TTN: variants seen among roughly 807,000 people sequenced by gnomAD.
TTN encodes the protein connectin.
TTN carries 1,525 observed loss-of-function variants against 3,223.0 expected under a neutral mutation model. The ratio of observed to expected loss-of-function variants is 0.47; its 90% CI spans 0.45 to 0.49. The LOEUF (loss-of-function observed/expected upper bound fraction) is 0.49, where lower values mean the gene tolerates loss of function less well. Among genes scored for constraint, TTN ranks in the 20% least tolerant of loss-of-function variants. TTN has a pLI of 0.00. For missense variants in TTN, 40,786 were observed against 43,424.0 expected (o/e 0.94, Z 5.40); for synonymous variants, 14,094 against 15,161.0 (o/e 0.93, Z 5.17).
In TTN at chr2:178,607,556, CCTT is replaced by C; in HGVS notation, c.53129_53131del (p.Glu17710del). On this transcript the variant is annotated inframe_deletion, in exon 277 of 363. Transcript: ENST00000589042. ...TACAACACGGTCTTTATCCAGCTCC[CCTT>C]CTTCTTTGGTCCATACTTTTGTAGG... is the stretch of plus-strand genomic sequence containing the variant. 1 of 1,613,182 alleles carries C rather than the reference CCTT, an allele frequency of 6.2e-7. No individual in the cohort carries two copies. The highest frequency in any genetic ancestry group is 8.5e-7 in the Non-Finnish European group (1 of 1,179,378).
In TTN at chr2:178,621,874, C is replaced by G; in HGVS notation, c.45048G>C (p.Arg15016Ser). Reference protein sequence around the residue: ...DDEAEYSCEVRTARTSGMLTV... With the variant: ...DDEAEYSCEVSTARTSGMLTV... Reference sequence around the variant, plus strand: ...TCAGCATGCCAGAAGTTCTCGCTGTCCTTACTTCACAGGAATATTCAGCTT... The same window carrying G: ...TCAGCATGCCAGAAGTTCTCGCTGTGCTTACTTCACAGGAATATTCAGCTT... The change falls in exon 244 of 363, where the codon AGG (arginine) becomes AGC (serine). Residue 15016 changes from arginine to serine, a missense_variant. Arg to Ser is a moderately radical substitution (Grantham distance 110). Transcript: ENST00000589042. 1 of 1,612,176 alleles carries G rather than the reference C, an allele frequency of 6.2e-7. No individual in the cohort carries two copies. The highest frequency in any genetic ancestry group is 1.1e-5 in the South Asian group (1 of 91,010).
At chr2:178,689,395 T>A (rs2071747842) in intron 123 of TTN, 22 bp from the exon 124 acceptor site, 9 of 1,612,728 alleles carry the variant, frequency 5.6e-6, no homozygotes, top group Non-Finnish European at 7.6e-6. Context: ...GTATTGAATT[T>A]TAAAATTTGT....
Position 178,710,836 on chromosome 2 carries a change from T to A in TTN, c.28261A>T (p.Thr9421Ser). The A allele has an allele frequency of 6.2e-7, 1 of 1,613,904 alleles. No homozygotes were observed. The change falls in exon 98 of 363, where the codon ACG becomes TCG. Residue 9421 changes from threonine (T) to serine (S), a missense_variant. Physicochemically the swap from Thr to Ser is moderately conservative, Grantham distance 58. Transcript: ENST00000589042. Reference protein sequence around the residue: ...GESADFECHVTGTQPIKVSWA... With the variant: ...GESADFECHVSGTQPIKVSWA... ...CTGACCTTTATCGGTTGTGTGCCCG[T>A]GACGTGGCACTCAAAGTCAGCACTT...
chr2:178,652,680 TAGG>T lies in TTN; in HGVS notation c.39013_39015del (p.Pro13005del). The T allele has an allele frequency of 6.2e-7, 1 of 1,613,444 alleles. No individual in the cohort carries two copies. Among genetic ancestry groups the T allele is most frequent in the Non-Finnish European group, 8.5e-7 (1 of 1,179,546 alleles). On this transcript the variant is annotated inframe_deletion, in exon 201 of 363. Coordinates refer to ENST00000589042, the MANE Select transcript of TTN (RefSeq NM_001267550.2). ...TTAACAGGTGGGACTTCAGGCTTTT[TAGG>T]AGGAGCCGAGGGCACTTTCTTTTCA...
In TTN at chr2:178,589,912, T is replaced by C. The variant is rs759096564; in HGVS notation, c.61813A>G (p.Ile20605Val). 7.4e-6 allele frequency: 12 copies of C among 1,613,358 alleles called. No homozygotes were observed. Among genetic ancestry groups the C allele is most frequent in the South Asian group, 4.4e-5 (4 of 91,068 alleles). ...DNGGSEITNFIVEYRKPNQKG... is the reference protein window; with the variant it reads ...DNGGSEITNFVVEYRKPNQKG... The stretch of plus-strand genomic sequence containing the variant: ...TGGTTTGGTTTGCGATATTCTACTA[T>C]GAAGTTTGTTATTTCTGAGCCACCA... The change falls in exon 304 of 363, where the codon ATA becomes GTA. Residue 20605 changes from isoleucine to valine, a missense_variant. Transcript: ENST00000589042.
Position 178,548,979 on chromosome 2 carries a change from CTG to C in TTN, c.92645_92646del (p.Thr30882SerfsTer3). ...NAEACVKTRYTVTDLQAGEEY... is the reference protein window; with the variant it reads ...NAEACVKTRYXVTDLQAGEEY... ...TCTTCACCTGCTTGTAGATCAGTGACTGTATATCTTGTTTTCACACATGCCTC... is the reference window on the plus strand; with the variant it reads ...TCTTCACCTGCTTGTAGATCAGTGACTATATCTTGTTTTCACACATGCCTC... On this transcript the variant is annotated frameshift_variant, in exon 339 of 363. Transcript: ENST00000589042. LOFTEE classifies it high-confidence loss of function. This position sits in a 1 kb window ranked among gnomAD's most constrained non-coding sequence, Gnocchi z 4.3. 6.2e-7 allele frequency: 1 copy of C among 1,613,912 alleles called. No homozygotes were observed. Among genetic ancestry groups the C allele is most frequent in the Non-Finnish European group, 8.5e-7 (1 of 1,179,834 alleles).
rs1006380204 is a variant in TTN, at chr2:178,670,229, G to A, written c.35375C>T (p.Pro11792Leu). 3 of 1,473,710 alleles carry A rather than the reference G, an allele frequency of 2.0e-6. No homozygotes were observed. Among genetic ancestry groups the A allele is most frequent in the East Asian group, 5.1e-5 (2 of 39,116 alleles). The allele number at this position is 1,473,710 out of a possible 1,614,324, so 91.3% of individuals were successfully genotyped here. Residue 11792 changes from proline (P) to leucine (L), a missense_variant, in exon 157 of 363, where the codon CCA becomes CTA. Transcript: ENST00000589042. Reference protein sequence around the residue: ...KVRVPEEPRVPPTKAPEVPKK... With the variant: ...KVRVPEEPRVLPTKAPEVPKK... ...GAAAAGCCAGTTACCTTTAGTTGGT[G>A]GAACTCTGGGCTCTTCAGGAACACG...
rs1405906564 is a variant in TTN at position 178,713,957 on chromosome 2, T to C, written c.26701A>G (p.Ser8901Gly). The C allele has an allele frequency of 1.9e-6, 3 of 1,613,596 alleles. No individual in the cohort carries two copies. Among genetic ancestry groups the C allele is most frequent in the South Asian group, 1.1e-5 (1 of 91,064 alleles). The change falls in exon 92 of 363, where the codon AGT becomes GGT. Residue 8901 changes from serine to glycine, a missense_variant. By Grantham distance (56) the Ser-to-Gly change is moderately conservative. Transcript: ENST00000589042. ...CCAACAGGGTTCTGCACCTCAAAACTGTATACCCCACTGTCACTCGGTGCT... is the reference window on the plus strand; with the variant it reads ...CCAACAGGGTTCTGCACCTCAAAACCGTATACCCCACTGTCACTCGGTGCT... ...NVAPSDSGVY[S>G]FEVQNPVGKD...
At position 178,553,495 on chromosome 2, in the gene TTN, T is replaced by A. The variant is rs746577107; in HGVS notation, c.89503+7A>T. The A allele has an allele frequency of 4.4e-6, 7 of 1,604,460 alleles. No individual in the cohort carries two copies. The Admixed American group carries it at 1.2e-4, about 27-fold the overall frequency. ...TAAAAAACATAATCAAACCAGTAGG[T>A]ACATACCAAGTATATCTTTAGCTTG... On this transcript the variant is annotated splice_region_variant and intron_variant, in intron 334 of 362. Coordinates refer to ENST00000589042, the MANE Select transcript of TTN (RefSeq NM_001267550.2).
At position 178,583,626 on chromosome 2, in the gene TTN, C is replaced by T. The variant is rs748126217; in HGVS notation, c.65556G>A (p.Val21852=). The T allele has an allele frequency of 6.2e-7, 1 of 1,604,348 alleles. No individual in the cohort carries two copies. The highest frequency in any genetic ancestry group is 1.1e-5 in the South Asian group (1 of 90,004). ...TCTTACCATTTTCTGCGAGGATAGT[C>T]ACTGGATCAGAAGGTTCAGAAGGTG... is the stretch of plus-strand genomic sequence containing the variant. The part of the protein sequence containing the change: ...ISPPSEPSDP[V]TILAENVPPR... The change falls in exon 312 of 363, where the codon GTG becomes GTA. Residue 21852 remains valine, a synonymous_variant. Coordinates refer to ENST00000589042, the MANE Select transcript of TTN (RefSeq NM_001267550.2).
In TTN at chr2:178,679,889, T is replaced by C. The variant is rs770773897; in HGVS notation, c.33580+5A>G. 1 of 1,612,698 alleles carries C rather than the reference T, an allele frequency of 6.2e-7. No homozygotes were observed. On this transcript the variant is annotated splice_donor_5th_base_variant and intron_variant, in intron 140 of 362. Coordinates refer to ENST00000589042, the MANE Select transcript of TTN (RefSeq NM_001267550.2). Reference sequence around the variant, plus strand: ...GCACAGCCCTTTGCAGGAGGCATCATCTACCTTTGACTGGTATCACTGGCA... The same window carrying C: ...GCACAGCCCTTTGCAGGAGGCATCACCTACCTTTGACTGGTATCACTGGCA...
rs377226540 is a variant in TTN, at chr2:178,570,450, G to A, written c.75682C>T (p.Pro25228Ser). 80 of 1,613,220 alleles carry A rather than the reference G, an allele frequency of 5.0e-5. No individual in the cohort carries two copies. In the African/African-American group the frequency reaches 1.0e-3, roughly 21 times the overall value. Residue 25228 changes from proline (P) to serine (S), a missense_variant, in exon 326 of 363, where the codon CCC becomes TCC. Transcript: ENST00000589042. The stretch of plus-strand genomic sequence containing the variant: ...TCACTCCCACCATCCTGAAGTGGGG[G>A]TTTCCAAGCTAGTGTGCATTTTTCT... ...TAEKCTLAWK[P>S]PLQDGGSDII... is the part of the protein sequence containing the mutation.
At position 178,593,656 on chromosome 2, in the gene TTN, T is replaced by C; in HGVS notation, c.58644A>G (p.Lys19548=). Residue 19548 remains lysine, a synonymous_variant, in exon 298 of 363, where the codon AAA becomes AAG. Transcript: ENST00000589042. ...TCKVSKLLEG[K]DYIFRIHAEN... is the part of the protein sequence containing the mutation. ...CAGCATGTATCCGGAAAATATAATC[T>C]TTTCCTTCAAGTAGTTTAGAAACTT... The C allele has an allele frequency of 4.3e-6, 7 of 1,613,156 alleles. No individual in the cohort carries two copies. The highest frequency in any genetic ancestry group is 5.9e-6 in the Non-Finnish European group (7 of 1,179,564).
In TTN at chr2:178,554,896, T is replaced by C. The variant is rs368216168; in HGVS notation, c.88563A>G (p.Ser29521=). Residue 29521 remains serine, a synonymous_variant, in exon 331 of 363, where the codon TCA becomes TCG. Coordinates refer to ENST00000589042, the MANE Select transcript of TTN (RefSeq NM_001267550.2). The part of the protein sequence containing the change: ...YELKLRNAMG[S]ASATIRVQIL... ...TCTGTACTCTGATGGTGGCTGAGGCTGAGCCCATGGCATTCCTTAGTTTTA... is the reference window on the plus strand; with the variant it reads ...TCTGTACTCTGATGGTGGCTGAGGCCGAGCCCATGGCATTCCTTAGTTTTA... 6 of 1,613,814 alleles carry C rather than the reference T, an allele frequency of 3.7e-6. No homozygotes were observed. Among genetic ancestry groups the C allele is most frequent in the East Asian group, 4.5e-5 (2 of 44,858 alleles).
intron 240 of TTN, chr2:178,628,624 G>T (rs1191973163): frequency 6.6e-6 from 1 of 152,028 alleles, no homozygotes; most frequent in Non-Finnish European, 1.5e-5. Flanking sequence ...AAGAATGTTA[G>T]TAAAAGCTAA....
chr2:178,534,179 C>G lies in TTN; in HGVS notation c.102436G>C (p.Val34146Leu). 6.2e-7 allele frequency: 1 copy of G among 1,613,982 alleles called. No homozygotes were observed. The highest frequency in any genetic ancestry group is 8.5e-7 in the Non-Finnish European group (1 of 1,179,868). Reference sequence around the variant, plus strand: ...TTGACATGTCCTCCTTCTTCACCAACTGCATGCATTATCTGCCCAGAAACT... The same window carrying G: ...TTGACATGTCCTCCTTCTTCACCAAGTGCATGCATTATCTGCCCAGAAACT... ...GPVSGQIMHAVGEEGGHVKYV... is the reference protein window; with the variant it reads ...GPVSGQIMHALGEEGGHVKYV... The change falls in exon 358 of 363, where the codon GTT becomes CTT. Residue 34146 changes from valine (V) to leucine (L), a missense_variant. Physicochemically the swap from Val to Leu is conservative, Grantham distance 32. Coordinates refer to ENST00000589042, the MANE Select transcript of TTN (RefSeq NM_001267550.2).
chr2:178,739,141 C>T lies in TTN; in HGVS notation c.14092G>A (p.Ala4698Thr). ...ATCTATTTTATCCTTAAAATCCAACCTCTTTTTACTACAGTGAGTTTGGCT... is the reference window on the plus strand; with the variant it reads ...ATCTATTTTATCCTTAAAATCCAACTTCTTTTTACTACAGTGAGTTTGGCT... ...TSAKLTVVKRAAPVIKRKIEP... is the reference protein window; with the variant it reads ...TSAKLTVVKRTAPVIKRKIEP... The change falls in exon 48 of 363, where the codon GCT becomes ACT. Residue 4698 changes from alanine (A) to threonine (T), a missense_variant and splice_region_variant. Transcript: ENST00000589042. 2.7e-6 allele frequency: 4 copies of T among 1,499,854 alleles called. No individual in the cohort carries two copies. Among genetic ancestry groups the T allele is most frequent in the South Asian group, 2.9e-5 (2 of 69,120 alleles). The allele number at this position is 1,499,854 out of a possible 1,614,324, so 92.9% of individuals were successfully genotyped here. A position where few individuals can be genotyped will look rare whatever the true frequency, so the allele number is the denominator to read the frequency against.
chr2:178,777,154 T>A lies in TTN; in HGVS notation c.4809A>T (p.Lys1603Asn), dbSNP rs764249850. 1 of 1,614,126 alleles carries A rather than the reference T, an allele frequency of 6.2e-7. No individual in the cohort carries two copies. The highest frequency in any genetic ancestry group is 2.2e-5 in the East Asian group (1 of 44,866). Residue 1603 changes from lysine (K) to asparagine (N), a missense_variant, in exon 27 of 363, where the codon AAA (lysine) becomes AAT (asparagine). Transcript: ENST00000589042. ...SDIIVPHKYP[K>N]IRIEGTKGEA... ...TTTATTATTTCCATACTTACCTGAT[T>A]TTGGGATATTTATGAGGCACAATGA...
chr2:178,749,708 C>T, intron 47 of TTN: 3 of 1,613,030 alleles, frequency 1.9e-6, no homozygotes, highest in South Asian at 1.1e-5. Context: ...TTCAGCAACA[C>T]ATTTATATTT....
Sources: allele counts gnomAD v4.1 joint callset, GRCh38; gene constraint gnomAD v4.1.1; non-coding constraint Gnocchi (gnomAD v3.1); transcripts MANE v1.5; gene names NCBI Gene and HGNC (gene_info 2026-07-23, HGNC 2026-07-21).